CABS1: variants seen among roughly 807,000 people sequenced by gnomAD.
CABS1 encodes the protein calcium-binding and spermatid-specific protein 1.
For synonymous variants in CABS1, 195 were observed against 169.0 expected, an observed-to-expected ratio of 1.15 and a Z score of -1.19; for missense variants, 500 against 464.3, an observed-to-expected ratio of 1.08 and a Z score of -0.71.
chr4:70,336,438 G>A (rs544820706), intron 1 of CABS1, 92 bp downstream of exon 1: 99 of 547,292 alleles, frequency 1.8e-4, no homozygotes, highest in African/African-American at 1.7e-3. Context: ...GCAGTGTAAG[G>A]GTCCCCCTAG....
Position 70,335,866 on chromosome 4 carries a change from A to G in CABS1, c.827A>G (p.Lys276Arg). ...TVFELTTSAE[K>R]DKDKREDTLL... The stretch of plus-strand genomic sequence containing the variant: ...TTTGAACTCACTACCTCTGCTGAAA[A>G]AGACAAAGATAAACGGGAAGATACT... The change falls in exon 1 of 2, where the codon AAA becomes AGA. Residue 276 changes from lysine (K) to arginine (R), a missense_variant. Lys to Arg is a conservative substitution (Grantham distance 26). Transcript: ENST00000273936. 2 of 1,613,606 alleles carry G rather than the reference A, an allele frequency of 1.2e-6. No homozygotes were observed. The highest frequency in any genetic ancestry group is 1.7e-6 in the Non-Finnish European group (2 of 1,179,746).
Position 70,335,769 on chromosome 4 carries a change from C to A in CABS1, c.730C>A (p.Leu244Ile). ...LEEEKITEIDLSVLEDDTSAV... is the reference protein window; with the variant it reads ...LEEEKITEIDISVLEDDTSAV... Reference sequence around the variant, plus strand: ...AGAAGAGAAAATAACCGAAATTGACCTAAGTGTTTTAGAAGATGACACCAG... The same window carrying A: ...AGAAGAGAAAATAACCGAAATTGACATAAGTGTTTTAGAAGATGACACCAG... The change falls in exon 1 of 2, where the codon CTA (leucine) becomes ATA (isoleucine). Residue 244 changes from leucine to isoleucine, a missense_variant. Leu to Ile is a conservative substitution (Grantham distance 5). Transcript: ENST00000273936. 6.2e-7 allele frequency: 1 copy of A among 1,613,508 alleles called. No homozygotes were observed. The highest frequency in any genetic ancestry group is 2.2e-5 in the East Asian group (1 of 44,838).
chr4:70,336,497 G>C (rs369019291), intron 1 of CABS1, among the ~76,000 whole-genome samples, 151 bp downstream of exon 1: 1 of 151,760 alleles, frequency 6.6e-6, no homozygotes, highest in African/African-American at 2.4e-5. Flanking sequence ...AAAATTTTTC[G>C]TCCTAGCCTT....
chr4:70,335,838 GTGTT>G lies in CABS1; in HGVS notation c.802_805del (p.Phe268AsnfsTer18), dbSNP rs1469264122. On this transcript the variant is annotated frameshift_variant, in exon 1 of 2. Transcript: ENST00000273936. LOFTEE classifies it low-confidence loss of function (END_TRUNC). ...TGACTCTGATGAGAAGTTTATCACTGTGTTTGAACTCACTACCTCTGCTGAAAAA... is the reference window on the plus strand; with the variant it reads ...TGACTCTGATGAGAAGTTTATCACTGTGAACTCACTACCTCTGCTGAAAAA... 1.2e-6 allele frequency: 2 copies of G among 1,613,446 alleles called. No individual in the cohort carries two copies. The highest frequency in any genetic ancestry group is 1.3e-5 in the African/African-American group (1 of 74,854).
intron 1 of CABS1, 99 bp downstream of exon 1, chr4:70,336,445 C>T (rs925350578): frequency 2.0e-6 from 1 of 488,110 alleles, no homozygotes; most frequent in Non-Finnish European, 3.4e-6. Context: ...AAGGGTCCCC[C>T]TAGTATCACA....
At chr4:70,336,392 A>G (rs959300672) in intron 1 of CABS1, 46 bp downstream of exon 1, 1 of 898,670 alleles carries the variant, frequency 1.1e-6, no homozygotes, top group East Asian at 3.1e-5. Flanking sequence ...ACTACAGGTC[A>G]TGTAACAGAT....
intron 1 of CABS1, 70 bp downstream of exon 1, chr4:70,336,416 GA>G (rs1000533156): frequency 5.2e-5 from 36 of 689,538 alleles, no homozygotes; most frequent in South Asian, 7.4e-5. Flanking sequence ...CGGAAACTTA[GA>G]AAAAAAAACC....
Position 70,335,530 on chromosome 4 carries a change from G to A in CABS1, c.491G>A (p.Gly164Asp). ...ATCTCAATAACCTCTGAAGTCTCTG[G>A]CACACTAAAGGACAGCAGTGCTGGT... ...AEISITSEVSGTLKDSSAGVA... is the reference protein window; with the variant it reads ...AEISITSEVSDTLKDSSAGVA... The change falls in exon 1 of 2, where the codon GGC (glycine) becomes GAC (aspartate). Residue 164 changes from glycine to aspartate, a missense_variant. By Grantham distance (94) the Gly-to-Asp change is moderately conservative (BLOSUM62 -1). Coordinates refer to ENST00000273936, the MANE Select transcript of CABS1 (RefSeq NM_033122.4). The A allele has an allele frequency of 6.2e-7, 1 of 1,613,598 alleles. No homozygotes were observed. The highest frequency in any genetic ancestry group is 8.5e-7 in the Non-Finnish European group (1 of 1,179,774).
In CABS1 at chr4:70,335,581, G is replaced by A. The variant is rs1200200572; in HGVS notation, c.542G>A (p.Arg181His). 3.7e-6 allele frequency: 6 copies of A among 1,613,550 alleles called. No individual in the cohort carries two copies. Among genetic ancestry groups the A allele is most frequent in the South Asian group, 1.1e-5 (1 of 91,070 alleles). The change falls in exon 1 of 2, where the codon CGT (arginine) becomes CAT (histidine). Residue 181 changes from arginine (R) to histidine (H), a missense_variant. Arg to His is a conservative substitution (Grantham distance 29, BLOSUM62 0). Transcript: ENST00000273936. ...AGVADAPAFP[R>H]KKDEADMSNY... ...GTTGCTGACGCTCCTGCCTTTCCAC[G>A]TAAAAAGGATGAAGCTGATATGAGC...
intron 1 of CABS1, 66 bp downstream of exon 1, chr4:70,336,412 CTT>C: frequency 1.3e-6 from 1 of 776,904 alleles, no homozygotes; most frequent in East Asian, 3.3e-5. Context: ...TTTACGGAAA[CTT>C]AGAAAAAAAA....
rs112478204 is a variant in CABS1 at position 70,335,123 on chromosome 4, T to A, written c.84T>A (p.Phe28Leu). The A allele has an allele frequency of 1.2e-6, 2 of 1,613,808 alleles. No individual in the cohort carries two copies. Among genetic ancestry groups the A allele is most frequent in the Non-Finnish European group, 1.7e-6 (2 of 1,179,836 alleles). Residue 28 changes from phenylalanine to leucine, a missense_variant, in exon 1 of 2, where the codon TTT (phenylalanine) becomes TTA (leucine). Transcript: ENST00000273936. ...SKTPTAATIF[F>L]GADNAIPKSE... Reference sequence around the variant, plus strand: ...CACCAACTGCAGCAACCATTTTCTTTGGGGCTGACAATGCTATTCCCAAAT... The same window carrying A: ...CACCAACTGCAGCAACCATTTTCTTAGGGGCTGACAATGCTATTCCCAAAT...
Position 70,335,368 on chromosome 4 carries a change from C to A in CABS1, c.329C>A (p.Ser110Tyr), listed in dbSNP as rs779234959. 2 of 1,613,762 alleles carry A rather than the reference C, an allele frequency of 1.2e-6. No homozygotes were observed. The highest frequency in any genetic ancestry group is 1.7e-6 in the Non-Finnish European group (2 of 1,179,830). The change falls in exon 1 of 2, where the codon TCT becomes TAT. Residue 110 changes from serine to tyrosine, a missense_variant. Physicochemically the swap from Ser to Tyr is moderately radical, Grantham distance 144. Transcript: ENST00000273936. ...ACTACAAACTCCATAACAAGAGACT[C>A]TATTACCGAACATTTCATGCCAGTG... ...TGTTNSITRD[S>Y]ITEHFMPVKI...
chr4:70,335,249 TA>T lies in CABS1; in HGVS notation c.215del (p.Lys72ArgfsTer28), dbSNP rs757778717. On this transcript the variant is annotated frameshift_variant, in exon 1 of 2. Coordinates refer to ENST00000273936, the MANE Select transcript of CABS1 (RefSeq NM_033122.4). LOFTEE classifies it low-confidence loss of function (END_TRUNC). ...STTTDNKLTA[K>X]KEKLKSEDDM... is the part of the protein sequence containing the mutation. ...CAACTACAGACAACAAACTGACAGC[TA>T]AAAAGGAAAAACTCAAATCAGAAGA... The T allele has an allele frequency of 1.5e-5, 24 of 1,613,232 alleles. No homozygotes were observed. The highest frequency in any genetic ancestry group is 1.6e-4 in the Middle Eastern group (1 of 6,074).
Position 70,335,900 on chromosome 4 carries a change from T to G in CABS1, c.861T>G (p.Thr287=), listed in dbSNP as rs760963716. Residue 287 remains threonine, a synonymous_variant, in exon 1 of 2, where the codon ACT becomes ACG. Transcript: ENST00000273936. ...DKDKREDTLL[T]DEETTEGASI... is the part of the protein sequence containing the mutation. ...ATAAACGGGAAGATACTCTGCTAAC[T>G]GATGAAGAAACTACCGAGGGAGCCA... 2 of 1,613,644 alleles carry G rather than the reference T, an allele frequency of 1.2e-6. No homozygotes were observed. Among genetic ancestry groups the G allele is most frequent in the Non-Finnish European group, 1.7e-6 (2 of 1,179,726 alleles).
chr4:70,336,416 G>C, intron 1 of CABS1, 70 bp downstream of exon 1: 49 of 689,602 alleles, frequency 7.1e-5, no homozygotes, highest in Middle Eastern at 5.0e-4. Flanking sequence ...CGGAAACTTA[G>C]AAAAAAAAAC....
rs760998013 is a variant in CABS1 at position 70,335,008 on chromosome 4, AC to A, written c.-30del. 1 of 1,588,354 alleles carries A rather than the reference AC, an allele frequency of 6.3e-7. No individual in the cohort carries two copies. The highest frequency in any genetic ancestry group is 2.2e-5 in the East Asian group (1 of 44,618). On this transcript the variant is annotated 5_prime_UTR_variant, in exon 1 of 2. Transcript: ENST00000273936. ...AGATACCACTGAGTCCAGAAGCAAG[AC>A]CTGTGAGAGTGCACAGTGCCACTTC... is the stretch of plus-strand genomic sequence containing the variant.
In CABS1 at chr4:70,335,282, G is replaced by T; in HGVS notation, c.243G>T (p.Met81Ile). 2 of 1,613,746 alleles carry T rather than the reference G, an allele frequency of 1.2e-6. No individual in the cohort carries two copies. The highest frequency in any genetic ancestry group is 1.7e-6 in the Non-Finnish European group (2 of 1,179,862). ...AAAAACTCAAATCAGAAGATGATAT[G>T]GGGACCGACTTTATTAAGTCAACAA... The part of the protein sequence containing the change: ...KKEKLKSEDD[M>I]GTDFIKSTTH... Residue 81 changes from methionine to isoleucine, a missense_variant, in exon 1 of 2, where the codon ATG (methionine) becomes ATT (isoleucine). Transcript: ENST00000273936.
Position 70,335,706 on chromosome 4 carries a change from G to T in CABS1, c.667G>T (p.Glu223Ter). The T allele has an allele frequency of 6.2e-7, 1 of 1,613,598 alleles. No individual in the cohort carries two copies. Among genetic ancestry groups the T allele is most frequent in the Non-Finnish European group, 8.5e-7 (1 of 1,179,762 alleles). The change falls in exon 1 of 2, where the codon GAA (glutamate) becomes TAA (stop). Residue 223 changes from glutamate to a stop codon, truncating the protein, a stop_gained. Coordinates refer to ENST00000273936, the MANE Select transcript of CABS1 (RefSeq NM_033122.4). LOFTEE classifies it low-confidence loss of function (END_TRUNC). ...GGCTGAAATCCCTCCTGCTCCTGAAGAAAGCTTCACTACTATTCCAGACAT... is the reference window on the plus strand; with the variant it reads ...GGCTGAAATCCCTCCTGCTCCTGAATAAAGCTTCACTACTATTCCAGACAT... ...PEAEIPPAPEESFTTIPDITA... is the reference protein window; with the variant it reads ...PEAEIPPAPE
chr4:70,336,115 T>C lies in CABS1; in HGVS notation c.1076T>C (p.Phe359Ser). 1 of 1,613,254 alleles carries C rather than the reference T, an allele frequency of 6.2e-7. No homozygotes were observed. Among genetic ancestry groups the C allele is most frequent in the Non-Finnish European group, 8.5e-7 (1 of 1,179,506 alleles). The part of the protein sequence containing the change: ...TETVPKITEP[F>S]SGTTSVLDTP... Reference sequence around the variant, plus strand: ...ACTGTACCTAAGATCACTGAGCCATTTTCTGGAACTACCTCTGTATTAGAT... The same window carrying C: ...ACTGTACCTAAGATCACTGAGCCATCTTCTGGAACTACCTCTGTATTAGAT... The change falls in exon 1 of 2, where the codon TTT (phenylalanine) becomes TCT (serine). Residue 359 changes from phenylalanine (F) to serine (S), a missense_variant. Phe to Ser is a radical substitution (Grantham distance 155, BLOSUM62 -2). Transcript: ENST00000273936.
Sources: allele counts gnomAD v4.1 joint callset (sites outside exome capture counted in the v4.1 genomes callset), GRCh38; gene constraint gnomAD v4.1.1; transcripts MANE v1.5; gene names NCBI Gene and HGNC (gene_info 2026-07-23, HGNC 2026-07-21).